Variants in JCAD observed in about 807,000 individuals in gnomAD.
The protein encoded by JCAD is junctional cadherin 5-associated protein.
JCAD carries 40 observed loss-of-function variants against 98.0 expected under a neutral mutation model. That is an observed-to-expected ratio of 0.41 (90% CI 0.32 to 0.53). The LOEUF (loss-of-function observed/expected upper bound fraction) is 0.53. Among genes scored for constraint, JCAD ranks in the 20% least tolerant of loss-of-function variants. JCAD has a pLI of 0.31. For synonymous variants in JCAD, 691 were observed against 682.3 expected, an observed-to-expected ratio of 1.01 and a Z score of -0.20; for missense variants, 1,705 against 1,738.1, an observed-to-expected ratio of 0.98 and a Z score of 0.34.
intron 1 of JCAD, among the ~76,000 whole-genome samples, chr10:30,098,277 C>T (rs1838410219): frequency 6.6e-6 from 1 of 152,110 alleles, no homozygotes; most frequent in South Asian, 2.1e-4. Context: ...GTGATCCTTC[C>T]TCCACAGGAC....
chr10:30,107,256 A>G (rs2132715948), intron 1 of JCAD, among the ~76,000 whole-genome samples: 1 of 152,328 alleles, frequency 6.6e-6, no homozygotes, highest in South Asian at 2.1e-4. Context: ...CACATGATAC[A>G]GGTCACAAAG....
At chr10:30,096,152 G>C (rs1013917306) in intron 1 of JCAD, among the ~76,000 whole-genome samples, 2 of 152,216 alleles carry the variant, frequency 1.3e-5, no homozygotes, top group African/African-American at 2.4e-5. Flanking sequence ...GGGCCATTGA[G>C]GTCTTCTCTG....
At chr10:30,077,045 G>A (rs542607586) in intron 1 of JCAD, among the ~76,000 whole-genome samples, 1 of 152,278 alleles carries the variant, frequency 6.6e-6, no homozygotes, top group South Asian at 2.1e-4. Flanking sequence ...CGGAATTGCA[G>A]AGTATATTAA....
intron 1 of JCAD, among the ~76,000 whole-genome samples, chr10:30,083,075 TA>T (rs944481252): frequency 2.6e-5 from 4 of 151,760 alleles, no homozygotes; most frequent in African/African-American, 9.7e-5. Flanking sequence ...AAAAAGATGA[TA>T]CAATTGATTT....
At chr10:30,053,574 A>AG (rs35109228) in intron 1 of JCAD, among the ~76,000 whole-genome samples, 2 of 151,032 alleles carry the variant, frequency 1.3e-5, no homozygotes, top group Non-Finnish European at 3.0e-5. Flanking sequence ...AAAAAAGAAA[A>AG]GAAAAGAAAA....
chr10:30,038,867 T>C (rs1342032045), intron 2 of JCAD, among the ~76,000 whole-genome samples: 1 of 152,050 alleles, frequency 6.6e-6, no homozygotes, highest in South Asian at 2.1e-4. Flanking sequence ...TGAGGGCTCC[T>C]GGGGCAGCCG....
chr10:30,084,481 T>C (rs1387935375), intron 1 of JCAD, among the ~76,000 whole-genome samples: 1 of 152,150 alleles, frequency 6.6e-6, no homozygotes, highest in African/African-American at 2.4e-5. Flanking sequence ...TCACCCTCCC[T>C]AAAGTGGGTA....
Position 30,027,608 on chromosome 10 carries a change from T to C in JCAD, c.2540A>G (p.Glu847Gly). 9 of 1,614,060 alleles carry C rather than the reference T, an allele frequency of 5.6e-6. No individual in the cohort carries two copies. The highest frequency in any genetic ancestry group is 6.8e-6 in the Non-Finnish European group (8 of 1,179,926). The part of the protein sequence containing the change: ...SFNKELQEEE[E>G]SSSSSSSSSS... ...GCTGCTGCTGCTGCTACTGCTGCTTTCTTCCTCTTCCTGGAGCTCCTTGTT... is the reference window on the plus strand; with the variant it reads ...GCTGCTGCTGCTGCTACTGCTGCTTCCTTCCTCTTCCTGGAGCTCCTTGTT... The change falls in exon 3 of 4, where the codon GAA becomes GGA. Residue 847 changes from glutamate (E) to glycine (G), a missense_variant. Around this residue, in one of 3 missense-constraint regions of JCAD, gnomAD observed 1,278 missense variants for 1,243.1 expected, o/e 1.03. Coordinates refer to ENST00000375377, the MANE Select transcript of JCAD (RefSeq NM_020848.4).
intron 1 of JCAD, among the ~76,000 whole-genome samples, chr10:30,072,807 A>C (rs1837916429): frequency 6.6e-6 from 1 of 152,146 alleles, no homozygotes; most frequent in South Asian, 2.1e-4. Flanking sequence ...GCCTGCCACC[A>C]CGCCTAGCTA....
At chr10:30,061,152 A>C (rs1266554707), upstream of JCAD, among the ~76,000 whole-genome samples, 3 of 152,180 alleles carry the variant, frequency 2.0e-5, no homozygotes, top group African/African-American at 7.2e-5. Context: ...CCTCTCTAAC[A>C]AAGTGGGGGT....
chr10:30,018,294 T>A (rs1219921232), intron 3 of JCAD, among the ~76,000 whole-genome samples: 3 of 112,586 alleles, frequency 2.7e-5, no homozygotes, highest in Non-Finnish European at 5.4e-5. Context: ...CTTCTTCTTC[T>A]TCTTTTTTTT....
chr10:30,114,791 T>A (rs1838763371), intron 1 of JCAD, among the ~76,000 whole-genome samples: 2 of 151,508 alleles, frequency 1.3e-5, no homozygotes, highest in African/African-American at 2.4e-5. Context: ...AAATATGAGA[T>A]AATAGAACTG....
chr10:30,027,063 C>T lies in JCAD; in HGVS notation c.3085G>A (p.Gly1029Arg). 6.2e-7 allele frequency: 1 copy of T among 1,614,222 alleles called. No individual in the cohort carries two copies. Residue 1029 changes from glycine to arginine, a missense_variant, in exon 3 of 4, where the codon GGG (glycine) becomes AGG (arginine). Gly to Arg is a moderately radical substitution (Grantham distance 125). Transcript: ENST00000375377. ...PRKFDSGGER[G>R]AGLPLSLSNK... ...GACAGGGACAGTGGGAGCCCTGCCC[C>T]CCTCTCTCCACCACTGTCAAACTTC...
intron 1 of JCAD, among the ~76,000 whole-genome samples, chr10:30,111,456 T>C (rs1194702530): frequency 3.9e-5 from 6 of 152,168 alleles, no homozygotes; most frequent in African/African-American, 1.2e-4. Context: ...ATTCTGCAAA[T>C]ACATATTGAG....
intron 1 of JCAD, among the ~76,000 whole-genome samples, chr10:30,076,255 G>A (rs993124968): frequency 6.6e-6 from 1 of 152,052 alleles, no homozygotes; most frequent in African/African-American, 2.4e-5. Flanking sequence ...TCAAACTCCT[G>A]ACCTCAGGTG....
chr10:30,057,651 G>A (rs997262738), intron 1 of JCAD, among the ~76,000 whole-genome samples: 5 of 152,152 alleles, frequency 3.3e-5, no homozygotes, highest in African/African-American at 1.2e-4. Flanking sequence ...AGTCTCTGCA[G>A]CAAAGGGTGA....
At chr10:30,103,301 A>G (rs1353246603) in intron 1 of JCAD, among the ~76,000 whole-genome samples, 1 of 152,164 alleles carries the variant, frequency 6.6e-6, no homozygotes, top group African/African-American at 2.4e-5. Context: ...CTTGACTTCA[A>G]TTCTTTGAGA....
chr10:30,054,346 A>C (rs1837525741), intron 1 of JCAD, among the ~76,000 whole-genome samples: 1 of 152,172 alleles, frequency 6.6e-6, no homozygotes, highest in Non-Finnish European at 1.5e-5. Flanking sequence ...GAATCTTATG[A>C]TATTCTGTCA....
intron 1 of JCAD, among the ~76,000 whole-genome samples, chr10:30,056,530 T>C (rs1218891976): frequency 2.0e-5 from 3 of 152,046 alleles, no homozygotes; most frequent in Non-Finnish European, 4.4e-5. Context: ...TTTTTTTTTT[T>C]CTTTCCTTCT....
Sources: allele counts gnomAD v4.1 joint callset (sites outside exome capture counted in the v4.1 genomes callset), GRCh38; gene constraint gnomAD v4.1.1; regional missense constraint gnomAD v4.1.1; transcripts MANE v1.5; gene names NCBI Gene and HGNC (gene_info 2026-07-23, HGNC 2026-07-21).